The following WDR1 variants were observed in gnomAD, a reference collection of about 807,000 sequenced individuals.
WDR1 encodes the protein WD repeat-containing protein 1.
WDR1 carries 21 observed loss-of-function variants against 71.9 expected under a neutral mutation model. The ratio of observed to expected loss-of-function variants is 0.29; its 90% confidence interval spans 0.21 to 0.42. The LOEUF is 0.42. Ranked by LOEUF, WDR1 falls within the 10% of genes least tolerant of loss-of-function variation. The probability of loss-of-function intolerance (pLI) is 1.00; values close to 1 mark genes in which losing one functional copy is unlikely to be tolerated. For missense variants in WDR1, 696 were observed against 824.5 expected, an observed-to-expected ratio of 0.84 and a Z score of 1.91; for synonymous variants, 424 against 347.4, an observed-to-expected ratio of 1.22 and a Z score of -2.45.
chr4:10,075,431 G>A lies in WDR1; in HGVS notation c.1768C>T (p.Leu590=). Residue 590 remains leucine, a synonymous_variant, in exon 15 of 15, where the codon CTG becomes TTG. Coordinates refer to ENST00000499869, the MANE Select transcript of WDR1 (RefSeq NM_017491.5). The part of the protein sequence containing the change: ...SSLAWLDEHT[L]VTTSHDASVK... Reference sequence around the variant, plus strand: ...GAGGCATCATGGGAGGTCGTGACCAGCGTGTGCTCGTCCAGCCAGGCCAGG... The same window carrying A: ...GAGGCATCATGGGAGGTCGTGACCAACGTGTGCTCGTCCAGCCAGGCCAGG... 1.2e-6 allele frequency: 2 copies of A among 1,614,038 alleles called. No homozygotes were observed. Among genetic ancestry groups the A allele is most frequent in the Non-Finnish European group, 1.7e-6 (2 of 1,179,892 alleles).
chr4:10,080,312 T>C (rs1214354530), intron 11 of WDR1, among the ~76,000 whole-genome samples: 1 of 152,180 alleles, frequency 6.6e-6, no homozygotes, highest in African/African-American at 2.4e-5. Context: ...AAGCCCCATG[T>C]GCAGACCCCT....
intron 5 of WDR1, chr4:10,096,166 G>C (rs1238884241): frequency 6.6e-6 from 1 of 152,272 alleles, no homozygotes; most frequent in African/African-American, 2.4e-5. Context: ...AGCACCCTGT[G>C]CTGGGTTTAA....
intron 1 of WDR1, 92 bp from the exon 2 acceptor site, chr4:10,116,326 G>C (rs760636440): frequency 6.4e-7 from 1 of 1,564,290 alleles, no homozygotes; most frequent in South Asian, 1.1e-5. Flanking sequence ...GTCTCGGCCG[G>C]TCACCTGTTG....
chr4:10,078,782 T>C (rs995182311), intron 12 of WDR1, 109 bp downstream of exon 12: 19 of 903,210 alleles, frequency 2.1e-5, no homozygotes, highest in African/African-American at 8.6e-5. Context: ...ATCCTTCCCC[T>C]GACCCCTCGC....
chr4:10,112,477 T>C (rs1046178657), intron 2 of WDR1, among the ~76,000 whole-genome samples: 21 of 151,086 alleles, frequency 1.4e-4, no homozygotes, highest in African/African-American at 5.1e-4. Flanking sequence ...CAGAGGAGAG[T>C]TGCCTCTCCA....
Position 10,075,176 on chromosome 4 carries a change from T to C in WDR1, c.*202A>G, listed in dbSNP as rs932994873. On this transcript the variant is annotated 3_prime_UTR_variant, in exon 15 of 15. Transcript: ENST00000499869. ...GTTTAGGTGCTCGCTTTATTTTTCA[T>C]GTGCAAACTGTTACTGTCTAAAGCT... The C allele has an allele frequency of 1.6e-5, 9 of 546,532 alleles. No individual in the cohort carries two copies. Among genetic ancestry groups the C allele is most frequent in the African/African-American group, 9.4e-5 (5 of 53,058 alleles). 33.9% of individuals were successfully genotyped at this position (546,532 alleles called of 1,614,324 possible). A position where few individuals can be genotyped will look rare whatever the true frequency, so the allele number is the denominator to read the frequency against.
intron 7 of WDR1, 68 bp downstream of exon 7, chr4:10,088,225 G>A (rs2109657169): frequency 4.2e-6 from 6 of 1,428,908 alleles, no homozygotes; most frequent in Non-Finnish European, 5.8e-6. Flanking sequence ...CGGAGTGAGT[G>A]TGGATGGACT....
At chr4:10,077,123 G>T in intron 14 of WDR1, 181 bp downstream of exon 14, 1 of 897,044 alleles carries the variant, frequency 1.1e-6, no homozygotes, top group Non-Finnish European at 1.6e-6. Flanking sequence ...CCCTCAGTAC[G>T]GCCAGCAGCG....
intron 5 of WDR1, chr4:10,094,706 G>T (rs998964559): frequency 3.3e-5 from 5 of 152,188 alleles, no homozygotes; most frequent in African/African-American, 1.2e-4. Flanking sequence ...TCACTGGGTA[G>T]GAATGAGCCG....
chr4:10,107,445 C>G (rs776700078), intron 2 of WDR1, among the ~76,000 whole-genome samples: 1 of 152,232 alleles, frequency 6.6e-6, no homozygotes, highest in Non-Finnish European at 1.5e-5. Context: ...GATTACCTCA[C>G]GGTCCGGCTT....
chr4:10,110,070 G>C (rs772103622), intron 2 of WDR1, among the ~76,000 whole-genome samples: 1 of 152,318 alleles, frequency 6.6e-6, no homozygotes, highest in East Asian at 1.9e-4. Flanking sequence ...AGGTGCTCAG[G>C]GGTATACACT....
chr4:10,082,204 G>GC (rs1765042482), intron 10 of WDR1, among the ~76,000 whole-genome samples: 1 of 152,210 alleles, frequency 6.6e-6, no homozygotes, highest in African/African-American at 2.4e-5. Flanking sequence ...ACCTACAGAT[G>GC]CCCAGTCTGC....
At chr4:10,088,913 G>A (rs1711780338) in intron 5 of WDR1, among the ~76,000 whole-genome samples, 172 bp from the exon 6 acceptor site, 2 of 152,216 alleles carry the variant, frequency 1.3e-5, no homozygotes, top group Non-Finnish European at 2.9e-5. Flanking sequence ...CTTAGTGGAG[G>A]GGCAGGAGTC....
At chr4:10,079,226 G>C (rs1288074134) in intron 11 of WDR1, among the ~76,000 whole-genome samples, 1 of 152,228 alleles carries the variant, frequency 6.6e-6, no homozygotes, top group Non-Finnish European at 1.5e-5. Context: ...AACTAACTGT[G>C]ACCATTACTG....
intron 5 of WDR1, chr4:10,092,962 C>T (rs1712095144): frequency 3.3e-6 from 3 of 918,076 alleles, no homozygotes; most frequent in Admixed American, 4.6e-5. Context: ...TTGCAGCCAA[C>T]ACATAGCCAA....
At chr4:10,099,816 C>A (rs905981219) in intron 3 of WDR1, among the ~76,000 whole-genome samples, 19 of 152,252 alleles carry the variant, frequency 1.2e-4, no homozygotes, top group African/African-American at 4.1e-4. Flanking sequence ...GCGTAAGATT[C>A]TTCTGTGAGA....
chr4:10,075,199 G>A lies in WDR1; in HGVS notation c.*179C>T, dbSNP rs975602146. On this transcript the variant is annotated 3_prime_UTR_variant, in exon 15 of 15. Transcript: ENST00000499869. The stretch of plus-strand genomic sequence containing the variant: ...CATGTGCAAACTGTTACTGTCTAAA[G>A]CTTTCAGAAGAACGTGTACAGACAC... 1.9e-5 allele frequency: 11 copies of A among 594,582 alleles called. No individual in the cohort carries two copies. The African/African-American group carries it at 2.0e-4, about 11-fold the overall frequency. The allele number at this position is 594,582 out of a possible 1,614,324, so 36.8% of individuals were successfully genotyped here. A position where few individuals can be genotyped will look rare whatever the true frequency, so the allele number is the denominator to read the frequency against.
intron 2 of WDR1, among the ~76,000 whole-genome samples, chr4:10,104,208 T>A (rs1054707283): frequency 6.6e-6 from 1 of 152,236 alleles, no homozygotes; most frequent in African/African-American, 2.4e-5. Context: ...TTCTCCTTAG[T>A]CTATGACTGT....
chr4:10,087,150 A>G (rs1711627916), intron 8 of WDR1, among the ~76,000 whole-genome samples: 3 of 152,038 alleles, frequency 2.0e-5, no homozygotes, highest in Admixed American at 2.0e-4. Context: ...GATGATTCTA[A>G]CTCCGTTTCC....
Sources: gnomAD v4.1 joint callset for allele counts (sites outside exome capture counted in the v4.1 genomes callset) on GRCh38, gnomAD v4.1.1 for gene constraint, MANE v1.5 for transcripts, NCBI Gene and HGNC (gene_info 2026-07-23, HGNC 2026-07-21) for gene names.